Variants in DYNC1LI1 observed in about 807,000 individuals in gnomAD.
DYNC1LI1 encodes the protein cytoplasmic dynein 1 light intermediate chain 1.
Under a neutral mutation model 63.8 loss-of-function variants are expected in DYNC1LI1, and 19 were observed. The observed-to-expected ratio is 0.30, with a 90% CI of 0.21 to 0.44. The LOEUF is 0.44. Among genes scored for constraint, DYNC1LI1 ranks in the 20% least tolerant of loss-of-function variants. The pLI is 1.00. For missense variants in DYNC1LI1, 565 were observed against 630.2 expected, an observed-to-expected ratio of 0.90 and a Z score of 1.11; for synonymous variants, 225 against 232.3, an observed-to-expected ratio of 0.97 and a Z score of 0.28.
rs764643669 is a variant in DYNC1LI1 at position 32,528,642 on chromosome 3, T to A, written c.1307-41A>T. The A allele has an allele frequency of 8.4e-6, 13 of 1,552,242 alleles. No homozygotes were observed. The East Asian group carries it at 2.9e-4, about 35-fold the overall frequency. ...AAAACAAAAAGCTTTAGCCAAAACA[T>A]AAGATTCTTCCTTAAATTATTATTA... is the stretch of plus-strand genomic sequence containing the variant. On this transcript the variant is annotated intron_variant, in intron 11 of 12. Transcript: ENST00000273130.
chr3:32,570,584 G>T, intron 1 of DYNC1LI1, 41 bp downstream of exon 1: 1 of 1,542,194 alleles, frequency 6.5e-7, no homozygotes, highest in Admixed American at 2.0e-5. Context: ...GCGCAAGGCC[G>T]GGGGAGCCAG....
At chr3:32,553,075 A>G (rs887551508) in intron 2 of DYNC1LI1, among the ~76,000 whole-genome samples, 21 of 152,206 alleles carry the variant, frequency 1.4e-4, no homozygotes, top group African/African-American at 3.6e-4. Context: ...TCAGCAGGGC[A>G]TGGACCTCAG....
chr3:32,554,863 A>ATTTTTTT (rs11434502), intron 2 of DYNC1LI1, among the ~76,000 whole-genome samples: 6 of 104,730 alleles, frequency 5.7e-5, no homozygotes, highest in African/African-American at 1.5e-4. Flanking sequence ...AAATTTTTGA[A>ATTTTTTT]TTTTTTTTTT....
At chr3:32,545,295 C>T in intron 3 of DYNC1LI1, 189 bp from the exon 4 acceptor site, 1 of 597,802 alleles carries the variant, frequency 1.7e-6, no homozygotes, top group South Asian at 2.0e-5. Flanking sequence ...CAGTAAAGTT[C>T]AACTGTTTAG....
intron 4 of DYNC1LI1, among the ~76,000 whole-genome samples, chr3:32,542,568 T>C (rs755838426): frequency 5.7e-4 from 86 of 152,168 alleles, no homozygotes; most frequent in Non-Finnish European, 1.1e-3. Context: ...CCACCACGCC[T>C]GGCTAATTTT....
chr3:32,543,697 C>T (rs941138774), intron 4 of DYNC1LI1, among the ~76,000 whole-genome samples: 1 of 151,180 alleles, frequency 6.6e-6, no homozygotes, highest in Non-Finnish European at 1.5e-5. Flanking sequence ...TGAGCCACCA[C>T]GCCTGGCCCA....
At chr3:32,534,295 A>G (rs1034743081) in intron 7 of DYNC1LI1, among the ~76,000 whole-genome samples, 2 of 152,212 alleles carry the variant, frequency 1.3e-5, no homozygotes, top group African/African-American at 4.8e-5. Flanking sequence ...TTAGCTCAAA[A>G]ACCTTTGAAA....
chr3:32,555,726 G>A lies in DYNC1LI1; in HGVS notation c.221-9761C>T, dbSNP rs1698106111. 2.0e-5 allele frequency among the ~76,000 whole-genome samples: 3 copies of A among 152,206 alleles called. No individual in the cohort carries two copies. The South Asian group carries it at 6.2e-4, about 31-fold the overall frequency. On this transcript the variant is annotated intron_variant, in intron 2 of 12. Transcript: ENST00000273130. ...CTCTCTCTCTTAAGACCCTTCATCAGGGCATTCTAGTTAATGATACACTTG... is the reference window on the plus strand; with the variant it reads ...CTCTCTCTCTTAAGACCCTTCATCAAGGCATTCTAGTTAATGATACACTTG...
chr3:32,528,076 G>A (rs1196752817), intron 12 of DYNC1LI1, among the ~76,000 whole-genome samples: 2 of 115,566 alleles, frequency 1.7e-5, no homozygotes, highest in African/African-American at 6.6e-5. Flanking sequence ...TCGTGCCACT[G>A]CACTCCAGCC....
intron 10 of DYNC1LI1, among the ~76,000 whole-genome samples, chr3:32,530,031 G>A (rs1697674044): frequency 6.6e-6 from 1 of 152,030 alleles, no homozygotes; most frequent in African/African-American, 2.4e-5. Context: ...TGCAAAATGG[G>A]GCTAATAACA....
chr3:32,530,366 T>C, intron 9 of DYNC1LI1, 38 bp from the exon 10 acceptor site: 1 of 1,589,588 alleles, frequency 6.3e-7, no homozygotes, highest in Non-Finnish European at 8.6e-7. Context: ...AGTTTAGACA[T>C]TCATAGCATA....
intron 2 of DYNC1LI1, chr3:32,570,037 A>T: frequency 2.0e-6 from 1 of 496,474 alleles, no homozygotes; most frequent in South Asian, 2.2e-5. Context: ...TTTTCTAGAT[A>T]AACCCCAGGC....
intron 2 of DYNC1LI1, among the ~76,000 whole-genome samples, chr3:32,561,456 G>A (rs571620095): frequency 8.6e-5 from 13 of 150,876 alleles, no homozygotes; most frequent in African/African-American, 2.7e-4. Flanking sequence ...GCGAAACCCC[G>A]TCTCTACTAA....
chr3:32,551,548 T>C (rs1428332422), intron 2 of DYNC1LI1, among the ~76,000 whole-genome samples: 1 of 152,106 alleles, frequency 6.6e-6, no homozygotes, highest in Non-Finnish European at 1.5e-5. Flanking sequence ...AAGAGTGCTA[T>C]GGAAAAGTGT....
At chr3:32,567,567 C>G (rs1271090435) in intron 2 of DYNC1LI1, among the ~76,000 whole-genome samples, 4 of 151,746 alleles carry the variant, frequency 2.6e-5, no homozygotes, top group Non-Finnish European at 5.9e-5. Flanking sequence ...GAGACAGGGT[C>G]TCACTCTGTT....
chr3:32,557,251 T>G (rs564616934), intron 2 of DYNC1LI1, among the ~76,000 whole-genome samples: 1 of 152,138 alleles, frequency 6.6e-6, no homozygotes, highest in Admixed American at 6.5e-5. Context: ...CACGGTGGCT[T>G]AGGCCTGTAA....
At chr3:32,549,142 T>G (rs945714978) in intron 2 of DYNC1LI1, among the ~76,000 whole-genome samples, 1 of 152,072 alleles carries the variant, frequency 6.6e-6, no homozygotes, top group Non-Finnish European at 1.5e-5. Flanking sequence ...CTAATTTGAA[T>G]TTTACCAAGT....
chr3:32,537,016 A>G lies in DYNC1LI1; in HGVS notation c.827T>C (p.Leu276Ser). The G allele has an allele frequency of 6.4e-7, 1 of 1,571,026 alleles. No individual in the cohort carries two copies. The highest frequency in any genetic ancestry group is 1.1e-5 in the South Asian group (1 of 87,264). The stretch of plus-strand genomic sequence containing the variant: ...AAATGTATTTAAAAGGATACACTGT[A>G]AACAAAACTTCCGGATATGTGACTG... ...FIQSHIRKFC[L>S]QYGAALIYTS... The change falls in exon 6 of 13, where the codon TTA (leucine) becomes TCA (serine). Residue 276 changes from leucine (L) to serine (S), a missense_variant. Leu to Ser is a moderately radical substitution (Grantham distance 145, BLOSUM62 -2). Coordinates refer to ENST00000273130, the MANE Select transcript of DYNC1LI1 (RefSeq NM_016141.4).
chr3:32,569,571 G>C (rs1436343384), intron 2 of DYNC1LI1, among the ~76,000 whole-genome samples: 1 of 152,034 alleles, frequency 6.6e-6, no homozygotes, highest in South Asian at 2.1e-4. Flanking sequence ...GAGCTATATA[G>C]AGAAATTTCT....
Sources: gnomAD v4.1 joint callset for allele counts (sites outside exome capture counted in the v4.1 genomes callset) on GRCh38, gnomAD v4.1.1 for gene constraint, MANE v1.5 for transcripts, NCBI Gene and HGNC (gene_info 2026-07-23, HGNC 2026-07-21) for gene names.